The following HNRNPF variants were observed in gnomAD, a reference collection of about 807,000 sequenced individuals.
HNRNPF encodes HnRNP F protein.
HNRNPF carries 2 observed loss-of-function variants against 26.0 expected under a neutral mutation model. The ratio of observed to expected loss-of-function variants is 0.08; its 90% CI spans 0.03 to 0.24. The LOEUF is 0.24. Among genes scored for constraint, HNRNPF ranks in the 10% least tolerant of loss-of-function variants. The pLI is 1.00. For synonymous variants in HNRNPF, 234 were observed against 211.5 expected (o/e 1.11, Z -0.92); for missense variants, 299 against 539.2 (o/e 0.55, Z 4.41).
intron 3 of HNRNPF, among the ~76,000 whole-genome samples, chr10:43,392,326 G>T (rs1317802658): frequency 6.6e-6 from 1 of 152,162 alleles, no homozygotes; most frequent in South Asian, 2.1e-4. Context: ...GGATCATGAG[G>T]TCAGGAGATC....
intron 2 of HNRNPF, among the ~76,000 whole-genome samples, chr10:43,395,787 C>T (rs905588160): frequency 6.6e-6 from 1 of 152,196 alleles, no homozygotes; most frequent in Non-Finnish European, 1.5e-5. Context: ...CAGACCAACA[C>T]CCTGAGGCGT....
Position 43,387,495 on chromosome 10 carries a change from G to A in HNRNPF, c.390C>T (p.Phe130=), listed in dbSNP as rs748202549. The part of the protein sequence containing the change: ...FGCTKEEIVQ[F]FSGLEIVPNG... The stretch of plus-strand genomic sequence containing the variant: ...TTGGCACAATTTCCAACCCTGAGAA[G>A]AACTGAACAATTTCTTCCTTTGTGC... The change falls in exon 4 of 4, where the codon TTC becomes TTT. Residue 130 remains phenylalanine, a synonymous_variant. Transcript: ENST00000682386. The surrounding 1 kb of genome is among the most constrained non-coding windows in gnomAD (Gnocchi z 6.0). 6.2e-7 allele frequency: 1 copy of A among 1,614,246 alleles called. No homozygotes were observed. The highest frequency in any genetic ancestry group is 1.1e-5 in the South Asian group (1 of 91,084).
In HNRNPF at chr10:43,387,472, G is replaced by A. The variant is rs1247534358; in HGVS notation, c.413C>T (p.Pro138Leu). 4 of 1,614,200 alleles carry A rather than the reference G, an allele frequency of 2.5e-6. No individual in the cohort carries two copies. Among genetic ancestry groups the A allele is most frequent in the Non-Finnish European group, 3.4e-6 (4 of 1,180,048 alleles). ...VQFFSGLEIV[P>L]NGITLPVDPE... ...GTCCACAGGCAATGTGATCCCGTTT[G>A]GCACAATTTCCAACCCTGAGAAGAA... The change falls in exon 4 of 4, where the codon CCA becomes CTA. Residue 138 changes from proline to leucine, a missense_variant. Pro to Leu is a moderately conservative substitution (Grantham distance 98, BLOSUM62 -3). Coordinates refer to ENST00000682386, the MANE Select transcript of HNRNPF (RefSeq NM_001098204.2). This position sits in a 1 kb window ranked among gnomAD's most constrained non-coding sequence, Gnocchi z 6.0.
chr10:43,399,498 A>G (rs1838685498), intron 1 of HNRNPF, among the ~76,000 whole-genome samples: 1 of 152,218 alleles, frequency 6.6e-6, no homozygotes, highest in Non-Finnish European at 1.5e-5. Flanking sequence ...TAGGTCTGAG[A>G]TCAATGGTAG....
intron 1 of HNRNPF, among the ~76,000 whole-genome samples, chr10:43,399,879 T>C (rs891659369): frequency 3.3e-5 from 5 of 152,072 alleles, no homozygotes; most frequent in Non-Finnish European, 5.9e-5. Flanking sequence ...TACAAATATA[T>C]GATGACAAAT....
chr10:43,391,522 G>A (rs1838247211), intron 3 of HNRNPF, among the ~76,000 whole-genome samples: 1 of 151,930 alleles, frequency 6.6e-6, no homozygotes, highest in Admixed American at 6.6e-5. Flanking sequence ...GAGTAAGCGG[G>A]CCCTCAATAT....
intron 1 of HNRNPF, among the ~76,000 whole-genome samples, chr10:43,402,552 A>G (rs974991204): frequency 1.3e-5 from 2 of 152,194 alleles, no homozygotes; most frequent in Admixed American, 1.3e-4. Context: ...AGTCTGTATT[A>G]CTTTGCATGG....
intron 1 of HNRNPF, chr10:43,408,872 C>G (rs1446348792): frequency 6.6e-6 from 1 of 152,374 alleles, no homozygotes; most frequent in East Asian, 1.9e-4. Context: ...TGGAAACCCC[C>G]GCCTGCGAGC....
Position 43,386,961 on chromosome 10 carries a change from G to T in HNRNPF, c.924C>A (p.Phe308Leu), listed in dbSNP as rs144952315. The change falls in exon 4 of 4, where the codon TTC becomes TTA. Residue 308 changes from phenylalanine to leucine, a missense_variant. Phe to Leu is a conservative substitution (Grantham distance 22, BLOSUM62 0). Around this residue, in one of 6 missense-constraint regions of HNRNPF, gnomAD observed 36 missense variants for 93.8 expected, o/e 0.38. Transcript: ENST00000682386. ...CTCTCACAGGGTTGAGAGGAGAGAA[G>T]AAGTTGTAAATGTCGTTCTCGGTCG... ...YKATENDIYN[F>L]FSPLNPVRVH... The T allele has an allele frequency of 6.2e-7, 1 of 1,614,100 alleles. No homozygotes were observed.
Position 43,401,622 on chromosome 10 carries a change from T to C in HNRNPF, c.-246-5032A>G, listed in dbSNP as rs543068011. 7.9e-5 allele frequency among the ~76,000 whole-genome samples: 12 copies of C among 152,252 alleles called. No individual in the cohort carries two copies. In the East Asian group the frequency reaches 2.3e-3, roughly 29 times the overall value. ...TGGAAATAATATCCAAAGAAATGGG[T>C]GTGTATAGATTCCGCTAAACAAAAA... On this transcript the variant is annotated intron_variant, in intron 1 of 3. Transcript: ENST00000682386.
At chr10:43,403,878 C>A (rs1229820721) in intron 1 of HNRNPF, among the ~76,000 whole-genome samples, 1 of 152,014 alleles carries the variant, frequency 6.6e-6, no homozygotes, top group Non-Finnish European at 1.5e-5. Flanking sequence ...ACCTGTAATC[C>A]CAGCTACTTG....
intron 3 of HNRNPF, among the ~76,000 whole-genome samples, chr10:43,391,637 G>A (rs757271293): frequency 6.6e-6 from 1 of 151,324 alleles, no homozygotes; most frequent in African/African-American, 2.4e-5. Context: ...CATTACTCTT[G>A]GAAGTGGACT....
At chr10:43,392,611 A>T (rs1203949892) in intron 3 of HNRNPF, among the ~76,000 whole-genome samples, 1 of 152,232 alleles carries the variant, frequency 6.6e-6, no homozygotes, top group East Asian at 1.9e-4. Context: ...AAATGTTTTT[A>T]TCTTCATCTT....
rs1588988945 is a variant in HNRNPF, at chr10:43,390,603, CAGCTT to C, written c.-52-2672_-52-2668del. ...CTTTCTCTCCTCATTCTTCATAATCCAGCTTAGAGCAAGTATCATTTTACATTCCT... is the reference window on the plus strand; with the variant it reads ...CTTTCTCTCCTCATTCTTCATAATCCAGAGCAAGTATCATTTTACATTCCT... On this transcript the variant is annotated intron_variant, in intron 3 of 3. Transcript: ENST00000682386. Among the ~76,000 whole-genome samples the C allele has an allele frequency of 2.0e-5, 3 of 152,256 alleles. No individual in the cohort carries two copies. In the East Asian group the frequency reaches 5.8e-4, roughly 29 times the overall value.
At chr10:43,400,479 T>C (rs1388493511) in intron 1 of HNRNPF, among the ~76,000 whole-genome samples, 1 of 152,190 alleles carries the variant, frequency 6.6e-6, no homozygotes, top group African/African-American at 2.4e-5. Context: ...TCATGGTATA[T>C]AGTATGTGAG....
At chr10:43,402,893 G>GT (rs1838797023) in intron 1 of HNRNPF, among the ~76,000 whole-genome samples, 2 of 133,784 alleles carry the variant, frequency 1.5e-5, no homozygotes, top group South Asian at 4.9e-4. Flanking sequence ...AATTATGATG[G>GT]CTTTTTTTTT....
chr10:43,407,791 G>A (rs2256073), intron 1 of HNRNPF: 150,020 of 152,394 alleles, frequency 0.98, 73,891 homozygotes, highest in Middle Eastern at 1. Context: ...AAAAGGGCCC[G>A]GGGCCGAGAG....
Position 43,387,081 on chromosome 10 carries a change from G to C in HNRNPF, c.804C>G (p.Leu268=), listed in dbSNP as rs146750316. 4 of 1,613,214 alleles carry C rather than the reference G, an allele frequency of 2.5e-6. No individual in the cohort carries two copies. In the East Asian group the frequency reaches 8.9e-5, roughly 36 times the overall value. Residue 268 remains leucine (L), a synonymous_variant, in exon 4 of 4, where the codon CTC becomes CTG. Transcript: ENST00000682386. This position sits in a 1 kb window ranked among gnomAD's most constrained non-coding sequence, Gnocchi z 6.0. ...CGTATCTGTGGTCATACATTCCGGA[G>C]AGACAGTAGCTGAGGTCTCTCCCGA... ...DLFGRDLSYC[L]SGMYDHRYGD...
intron 3 of HNRNPF, among the ~76,000 whole-genome samples, chr10:43,389,953 C>T (rs1838177793): frequency 6.6e-6 from 1 of 152,166 alleles, no homozygotes; most frequent in Non-Finnish European, 1.5e-5. Flanking sequence ...AATGATTGGG[C>T]ATAAATAATC....
Sources: gnomAD v4.1 joint callset for allele counts (sites outside exome capture counted in the v4.1 genomes callset) on GRCh38, gnomAD v4.1.1 for gene constraint, gnomAD v4.1.1 regional missense constraint, Gnocchi (gnomAD v3.1) non-coding constraint, MANE v1.5 for transcripts, NCBI Gene and HGNC (gene_info 2026-07-23, HGNC 2026-07-21) for gene names.